Variants in MCC observed in about 807,000 individuals in gnomAD.
MCC encodes colorectal mutant cancer protein.
Under a neutral mutation model 116.2 loss-of-function variants are expected in MCC, and 90 were observed. The observed-to-expected ratio is 0.77, with a 90% CI of 0.65 to 0.92. The LOEUF is 0.92. Ranked by LOEUF, MCC falls within the 40% of genes least tolerant of loss-of-function variation. The probability of loss-of-function intolerance (pLI) is 0.00; values close to 1 mark genes in which losing one functional copy is unlikely to be tolerated. For missense variants in MCC, 1,516 were observed against 1,312.2 expected (o/e 1.16, Z -2.40); for synonymous variants, 578 against 510.5 (o/e 1.13, Z -1.78).
intron 2 of MCC, among the ~76,000 whole-genome samples, chr5:113,350,408 A>C (rs1178357639): frequency 6.6e-6 from 1 of 152,146 alleles, no homozygotes; most frequent in Non-Finnish European, 1.5e-5. Context: ...CAGTGAATTC[A>C]TTTTTGACAA....
At chr5:113,324,649 A>G (rs1767505741) in intron 3 of MCC, among the ~76,000 whole-genome samples, 1 of 152,224 alleles carries the variant, frequency 6.6e-6, no homozygotes. Context: ...TGGCATGAAT[A>G]ACACTACCTC....
intron 4 of MCC, among the ~76,000 whole-genome samples, 163 bp from the exon 5 acceptor site, chr5:113,143,523 A>G (rs1759314251): frequency 6.6e-6 from 1 of 152,188 alleles, no homozygotes; most frequent in African/African-American, 2.4e-5. Flanking sequence ...AAACATATCA[A>G]TGGCTAAATT....
chr5:113,384,925 A>G, intron 2 of MCC, 43 bp downstream of exon 2: 1 of 1,607,560 alleles, frequency 6.2e-7, no homozygotes, highest in Non-Finnish European at 8.5e-7. Flanking sequence ...ATCACAGGCA[A>G]GGCCAGTGGA....
At chr5:113,098,012 G>A (rs1756139348) in intron 8 of MCC, among the ~76,000 whole-genome samples, 1 of 152,188 alleles carries the variant, frequency 6.6e-6, no homozygotes, top group South Asian at 2.1e-4. Context: ...AACACCTTAT[G>A]ACATGAACAT....
chr5:113,381,250 T>A lies in MCC; in HGVS notation c.415+3718A>T, dbSNP rs368627090. On this transcript the variant is annotated intron_variant, in intron 2 of 18. Coordinates refer to ENST00000408903, the MANE Select transcript of MCC (RefSeq NM_001085377.2). Reference sequence around the variant, plus strand: ...TGAGCAAACAGATGAACAGAAATATTTCCAAGATGCAGATATTTACTAAAT... The same window carrying A: ...TGAGCAAACAGATGAACAGAAATATATCCAAGATGCAGATATTTACTAAAT... 1.8e-4 allele frequency among the ~76,000 whole-genome samples: 27 copies of A among 152,240 alleles called. 4 individuals are homozygous for A. The highest frequency in any genetic ancestry group is 7.2e-4 in the Admixed American group (11 of 15,296).
intron 5 of MCC, among the ~76,000 whole-genome samples, chr5:113,137,332 G>T (rs575804000): frequency 6.6e-6 from 1 of 152,286 alleles, no homozygotes; most frequent in East Asian, 1.9e-4. Context: ...TACAATTCAA[G>T]ATGAGATTTG....
chr5:113,323,835 A>G (rs530660469), intron 3 of MCC, among the ~76,000 whole-genome samples: 1 of 152,256 alleles, frequency 6.6e-6, no homozygotes, highest in Admixed American at 6.5e-5. Context: ...GTACTGCACT[A>G]TGATCATACC....
intron 3 of MCC, among the ~76,000 whole-genome samples, chr5:113,263,948 A>C (rs536544702): frequency 2.0e-5 from 3 of 152,046 alleles, no homozygotes; most frequent in South Asian, 2.1e-4. Flanking sequence ...AAAAAAAAAA[A>C]CACGTGGTCA....
At chr5:113,306,307 C>T (rs1766983533) in intron 3 of MCC, among the ~76,000 whole-genome samples, 1 of 152,106 alleles carries the variant, frequency 6.6e-6, no homozygotes, top group Admixed American at 6.5e-5. Flanking sequence ...GCAATTTTAT[C>T]TTTAAGATTT....
At chr5:113,269,271 C>G (rs571150556) in intron 3 of MCC, 11 of 923,820 alleles carry the variant, frequency 1.2e-5, no homozygotes, top group Non-Finnish European at 1.0e-5. Flanking sequence ...ACAGACTCTA[C>G]TGCAGGGAAC....
chr5:113,426,862 T>A (rs967138328), intron 1 of MCC, among the ~76,000 whole-genome samples: 1 of 152,192 alleles, frequency 6.6e-6, no homozygotes, highest in Non-Finnish European at 1.5e-5. Context: ...CACTCCTCTA[T>A]AATGCGATGG....
intron 3 of MCC, among the ~76,000 whole-genome samples, chr5:113,225,335 A>C (rs1763693974): frequency 6.6e-6 from 1 of 152,210 alleles, no homozygotes; most frequent in African/African-American, 2.4e-5. Context: ...CCACCCAGGC[A>C]GTCATCACTT....
intron 5 of MCC, among the ~76,000 whole-genome samples, chr5:113,137,522 T>G (rs998446217): frequency 6.6e-6 from 1 of 152,212 alleles, no homozygotes; most frequent in East Asian, 1.9e-4. Context: ...GAATGGTATT[T>G]GCATCCCTAT....
intron 3 of MCC, among the ~76,000 whole-genome samples, chr5:113,223,108 G>C (rs1157329642): frequency 6.6e-6 from 1 of 152,130 alleles, no homozygotes; most frequent in African/African-American, 2.4e-5. Context: ...AAAATGGGAC[G>C]CAAACGAAGC....
chr5:113,115,656 T>G (rs558904405), intron 6 of MCC, among the ~76,000 whole-genome samples: 1 of 152,158 alleles, frequency 6.6e-6, no homozygotes, highest in East Asian at 1.9e-4. Context: ...ACCTCCAGCC[T>G]CGGTGGCAGA....
At chr5:113,367,385 T>C (rs1768721756) in intron 2 of MCC, among the ~76,000 whole-genome samples, 2 of 143,880 alleles carry the variant, frequency 1.4e-5, no homozygotes. Context: ...ATTTAAGATG[T>C]ACATATATTC....
chr5:113,308,153 T>C (rs751373261), intron 3 of MCC, among the ~76,000 whole-genome samples: 8 of 152,098 alleles, frequency 5.3e-5, no homozygotes, highest in Non-Finnish European at 1.0e-4. Context: ...TTTATATATA[T>C]TGTAGAGACA....
rs1750482413 is a variant in MCC, at chr5:113,025,570, G to A, written c.*1732C>T. Reference sequence around the variant, plus strand: ...AGATCACGCCACTGCACTTCAGCCTGGTGACGAGCAAAACTCCATCTCAAA... The same window carrying A: ...AGATCACGCCACTGCACTTCAGCCTAGTGACGAGCAAAACTCCATCTCAAA... On this transcript the variant is annotated 3_prime_UTR_variant, in exon 19 of 19. Transcript: ENST00000408903. The A allele has an allele frequency of 5.2e-5, 2 of 38,646 alleles. No individual in the cohort carries two copies. The highest frequency in any genetic ancestry group is 5.9e-4 in the East Asian group (1 of 1,708). 2.4% of individuals were successfully genotyped at this position (38,646 alleles called of 1,614,324 possible). A position where few individuals can be genotyped will look rare whatever the true frequency, so the allele number is the denominator to read the frequency against.
At chr5:113,423,784 C>T (rs944628573) in intron 1 of MCC, among the ~76,000 whole-genome samples, 8 of 152,082 alleles carry the variant, frequency 5.3e-5, no homozygotes, top group African/African-American at 1.4e-4. Flanking sequence ...TTTCTCAACC[C>T]GGGCAGAAAA....
Sources: allele counts gnomAD v4.1 joint callset (sites outside exome capture counted in the v4.1 genomes callset), GRCh38; gene constraint gnomAD v4.1.1; transcripts MANE v1.5; gene names NCBI Gene and HGNC (gene_info 2026-07-23, HGNC 2026-07-21).